APBA1: variants seen among roughly 807,000 people sequenced by gnomAD.
APBA1 encodes the protein amyloid beta precursor protein binding family A member 1, also known as amyloid-beta A4 precursor protein-binding family A member 1.
APBA1 carries 55 observed loss-of-function variants against 86.6 expected under a neutral mutation model. That is an observed-to-expected ratio of 0.64 (90% CI 0.51 to 0.80). The LOEUF is 0.80. Among genes scored for constraint, APBA1 ranks in the 30% least tolerant of loss-of-function variants. The pLI, the probability that APBA1 is intolerant of heterozygous loss-of-function variation, is 0.00. For synonymous variants in APBA1, 511 were observed against 493.9 expected (o/e 1.03, Z -0.46); for missense variants, 1,090 against 1,183.0 (o/e 0.92, Z 1.15).
intron 1 of APBA1, among the ~76,000 whole-genome samples, chr9:69,624,125 C>T (rs1432778255): frequency 6.6e-6 from 1 of 152,172 alleles, no homozygotes; most frequent in Non-Finnish European, 1.5e-5. Flanking sequence ...GATTATGATA[C>T]TGTGCAGTTT....
intron 1 of APBA1, among the ~76,000 whole-genome samples, chr9:69,552,583 T>C (rs1836803521): frequency 6.6e-6 from 1 of 152,232 alleles, no homozygotes; most frequent in African/African-American, 2.4e-5. Context: ...TTAAAATCAA[T>C]GACACTTCTA....
At chr9:69,465,106 T>A (rs1011575679) in intron 5 of APBA1, 3 of 152,272 alleles carry the variant, frequency 2.0e-5, no homozygotes, top group African/African-American at 7.2e-5. Flanking sequence ...GGCATTTTGG[T>A]AGAGATAAAA....
intron 1 of APBA1, among the ~76,000 whole-genome samples, chr9:69,530,296 TTGTGTG>T (rs554992215): frequency 1.0e-5 from 1 of 98,798 alleles, no homozygotes; most frequent in African/African-American, 3.6e-5. Flanking sequence ...AAGAAAAAAG[TTGTGTG>T]TGTGTATATA....
chr9:69,434,378 T>G (rs1329422316), intron 11 of APBA1, among the ~76,000 whole-genome samples: 1 of 152,112 alleles, frequency 6.6e-6, no homozygotes, highest in African/African-American at 2.4e-5. Flanking sequence ...ACTCATACTC[T>G]TTCTTGATGG....
rs193277088 is a variant in APBA1, at chr9:69,497,177, T to G, written c.1200+18834A>C. ...CCTACTTAATTATTCACCACCATCT[T>G]CTCCATGACTCATCAATAATGGATA... On this transcript the variant is annotated intron_variant, in intron 2 of 12. Coordinates refer to ENST00000265381, the MANE Select transcript of APBA1 (RefSeq NM_001163.4). Among the ~76,000 whole-genome samples, 509 of 152,010 alleles carry G rather than the reference T, an allele frequency of 3.3e-3. 6 individuals carry two copies. Among genetic ancestry groups the G allele is most frequent in the African/African-American group, 0.012 (483 of 41,484 alleles).
chr9:69,602,525 C>T (rs953872005), intron 1 of APBA1, among the ~76,000 whole-genome samples: 8 of 151,868 alleles, frequency 5.3e-5, no homozygotes, highest in South Asian at 2.1e-4. Flanking sequence ...TTGCCAAGAT[C>T]GCGCCACTGC....
At chr9:69,462,937 T>A (rs1053948651) in intron 5 of APBA1, 2 of 152,184 alleles carry the variant, frequency 1.3e-5, no homozygotes, top group East Asian at 3.9e-4. Flanking sequence ...GCAATGCTGA[T>A]GCTACTGGTC....
chr9:69,487,297 A>G (rs1407941514), intron 2 of APBA1, among the ~76,000 whole-genome samples: 1 of 152,090 alleles, frequency 6.6e-6, no homozygotes, highest in Non-Finnish European at 1.5e-5. Context: ...ACAGTGTCCA[A>G]ATAAACCCAG....
intron 1 of APBA1, among the ~76,000 whole-genome samples, chr9:69,542,452 C>T (rs555617975): frequency 7.2e-5 from 11 of 152,170 alleles, no homozygotes; most frequent in Non-Finnish European, 1.0e-4. Context: ...CTGCCTTGAG[C>T]GCTCATTTCT....
At chr9:69,447,084 G>A (rs1297669018) in intron 10 of APBA1, among the ~76,000 whole-genome samples, 1 of 152,166 alleles carries the variant, frequency 6.6e-6, no homozygotes, top group East Asian at 1.9e-4. Flanking sequence ...CCAACTTCTA[G>A]CATCTTCACA....
intron 1 of APBA1, among the ~76,000 whole-genome samples, chr9:69,634,581 T>G (rs1010987277): frequency 9.2e-5 from 14 of 151,926 alleles, no homozygotes; most frequent in African/African-American, 3.4e-4. Context: ...ACAGAGAACT[T>G]CCCAAACCTA....
chr9:69,593,357 T>G (rs1005305830), intron 1 of APBA1, among the ~76,000 whole-genome samples: 4 of 152,224 alleles, frequency 2.6e-5, no homozygotes, highest in Non-Finnish European at 5.9e-5. Context: ...ATCATGCATA[T>G]ATGATACGGG....
intron 1 of APBA1, among the ~76,000 whole-genome samples, chr9:69,659,431 G>A (rs1823707534): frequency 6.6e-6 from 1 of 152,128 alleles, no homozygotes; most frequent in Non-Finnish European, 1.5e-5. Flanking sequence ...ATCAAGGGGA[G>A]CCACATTCCA....
intron 1 of APBA1, among the ~76,000 whole-genome samples, chr9:69,649,001 G>T (rs1823443457): frequency 6.6e-6 from 1 of 152,122 alleles, no homozygotes; most frequent in African/African-American, 2.4e-5. Context: ...AACAGAACCT[G>T]GGAGTCATCC....
chr9:69,557,829 C>T (rs938248781), intron 1 of APBA1, among the ~76,000 whole-genome samples: 2 of 152,168 alleles, frequency 1.3e-5, no homozygotes, highest in African/African-American at 4.8e-5. Flanking sequence ...ACTGATACTC[C>T]TTTTCTGGCT....
At chr9:69,441,421 A>G (rs1383702780) in intron 10 of APBA1, among the ~76,000 whole-genome samples, 1 of 152,228 alleles carries the variant, frequency 6.6e-6, no homozygotes, top group Non-Finnish European at 1.5e-5. Flanking sequence ...GTACTTGTGC[A>G]ACTATGAGGA....
At chr9:69,580,894 G>A (rs895619291) in intron 1 of APBA1, among the ~76,000 whole-genome samples, 1 of 152,166 alleles carries the variant, frequency 6.6e-6, no homozygotes, top group Non-Finnish European at 1.5e-5. Flanking sequence ...GAGCTAAAGA[G>A]CTATCCCTAA....
chr9:69,636,702 G>A (rs770285190), intron 1 of APBA1, among the ~76,000 whole-genome samples: 1 of 151,016 alleles, frequency 6.6e-6, no homozygotes, highest in Non-Finnish European at 1.5e-5. Flanking sequence ...GCTTAGGTGG[G>A]AGGATCACCT....
rs1370376651 is a variant in APBA1 at position 69,471,810 on chromosome 9, T to C, written c.1297-115A>G. 4.9e-6 allele frequency: 4 copies of C among 811,900 alleles called. No homozygotes were observed. In the African/African-American group the frequency reaches 5.2e-5, roughly 11 times the overall value. 50.3% of individuals were successfully genotyped at this position (811,900 alleles called of 1,614,324 possible). On this transcript the variant is annotated intron_variant, in intron 3 of 12. Transcript: ENST00000265381. ...CATAATCAGTGGCAGTTACCAATTA[T>C]TGATCATTTTTAGTTAGAGAAAGTA... is the stretch of plus-strand genomic sequence containing the variant.
Sources: allele counts gnomAD v4.1 joint callset (sites outside exome capture counted in the v4.1 genomes callset), GRCh38; gene constraint gnomAD v4.1.1; transcripts MANE v1.5; gene names NCBI Gene and HGNC (gene_info 2026-07-23, HGNC 2026-07-21).